Variants in TRERF1 observed in about 807,000 individuals in gnomAD.
TRERF1 encodes transcriptional regulating factor 1, also known as transcriptional-regulating factor 1.
In TRERF1, 27 loss-of-function variants were observed where a neutral mutation model predicts 122.9. That is an observed-to-expected ratio of 0.22 (90% CI 0.16 to 0.30). TRERF1 has a LOEUF of 0.30. TRERF1 is among the 10% of genes least tolerant of loss of function. The pLI is 1.00. For synonymous variants in TRERF1, 636 were observed against 641.7 expected, an observed-to-expected ratio of 0.99 and a Z score of 0.13; for missense variants, 1,248 against 1,560.3, an observed-to-expected ratio of 0.80 and a Z score of 3.37.
rs143675535 is a variant in TRERF1 at position 42,246,601 on chromosome 6, G to A, written c.2657-57C>T. 1.6e-5 allele frequency: 21 copies of A among 1,296,078 alleles called. No individual in the cohort carries two copies. In the South Asian group the frequency reaches 2.4e-4, roughly 15 times the overall value. The allele number at this position is 1,296,078 out of a possible 1,614,324, so 80.3% of individuals were successfully genotyped here. A position where few individuals can be genotyped will look rare whatever the true frequency, so the allele number is the denominator to read the frequency against. ...CTCACAGTTCCCCCTGCTTTTAGTTGCTGGTTCATTTAGTTAAGTTACAAA... is the reference window on the plus strand; with the variant it reads ...CTCACAGTTCCCCCTGCTTTTAGTTACTGGTTCATTTAGTTAAGTTACAAA... On this transcript the variant is annotated intron_variant, in intron 13 of 17. Transcript: ENST00000372922.
intron 3 of TRERF1, among the ~76,000 whole-genome samples, chr6:42,361,385 T>C (rs1771732834): frequency 6.6e-6 from 1 of 152,238 alleles, no homozygotes; most frequent in African/African-American, 2.4e-5. Context: ...CACAGTCTCT[T>C]CCTGGCACTT....
intron 2 of TRERF1, among the ~76,000 whole-genome samples, chr6:42,408,342 CGT>C (rs1215447691): frequency 0.02 from 2,044 of 101,796 alleles, 114 homozygotes; most frequent in African/African-American, 0.075. Flanking sequence ...TATACATACA[CGT>C]GTGTGTGTGT....
chr6:42,425,970 C>G (rs1264566119), intron 2 of TRERF1, among the ~76,000 whole-genome samples: 1 of 152,134 alleles, frequency 6.6e-6, no homozygotes. Context: ...GGGAGCAGGG[C>G]TCTGGAATAC....
intron 2 of TRERF1, among the ~76,000 whole-genome samples, chr6:42,367,516 C>T (rs368978891): frequency 6.6e-6 from 1 of 152,162 alleles, no homozygotes; most frequent in Non-Finnish European, 1.5e-5. Flanking sequence ...AGATGAAATC[C>T]GGCCCTGCTG....
At chr6:42,344,306 T>A (rs372176554) in intron 3 of TRERF1, among the ~76,000 whole-genome samples, 1 of 152,186 alleles carries the variant, frequency 6.6e-6, no homozygotes, top group Non-Finnish European at 1.5e-5. Flanking sequence ...AAGGCAGTCA[T>A]AATAACAGCT....
chr6:42,422,670 G>A (rs1287728360), intron 2 of TRERF1, among the ~76,000 whole-genome samples: 6 of 151,826 alleles, frequency 4.0e-5, no homozygotes, highest in African/African-American at 7.3e-5. Context: ...TCACGAGATA[G>A]GGCTGCCCAA....
At chr6:42,374,152 AG>A (rs1194008154) in intron 2 of TRERF1, among the ~76,000 whole-genome samples, 4,320 of 134,440 alleles carry the variant, frequency 0.032, 206 homozygotes, top group African/African-American at 0.13. Flanking sequence ...AAAAAAAAAA[AG>A]AAGAAGAAGA....
intron 3 of TRERF1, among the ~76,000 whole-genome samples, chr6:42,312,500 GCCAATCTCTCTGAT>G (rs1242160619): frequency 6.6e-6 from 1 of 152,242 alleles, no homozygotes; most frequent in Non-Finnish European, 1.5e-5. Flanking sequence ...AGGCATGTCA[GCCAATCTCTCTGAT>G]CCTCGGCATT....
At chr6:42,425,139 G>A (rs576810758) in intron 2 of TRERF1, among the ~76,000 whole-genome samples, 90 of 152,246 alleles carry the variant, frequency 5.9e-4, no homozygotes, top group Non-Finnish European at 1.1e-3. Flanking sequence ...CCCAGAGAGG[G>A]TGGGGGCAAA....
chr6:42,288,315 TC>T (rs1475623143), intron 4 of TRERF1, among the ~76,000 whole-genome samples: 4 of 152,038 alleles, frequency 2.6e-5, no homozygotes, highest in Non-Finnish European at 5.9e-5. Flanking sequence ...ACTCCTGTAA[TC>T]CCAGCACTTT....
At chr6:42,361,585 G>A (rs1184313539) in intron 3 of TRERF1, among the ~76,000 whole-genome samples, 2 of 152,176 alleles carry the variant, frequency 1.3e-5, no homozygotes, top group East Asian at 3.8e-4. Flanking sequence ...AAAGGACTGG[G>A]ATCTCCGTTG....
chr6:42,322,338 A>G (rs1763591442), intron 3 of TRERF1, among the ~76,000 whole-genome samples: 1 of 152,162 alleles, frequency 6.6e-6, no homozygotes, highest in South Asian at 2.1e-4. Flanking sequence ...TATGGAGGTA[A>G]ATGCCATAAA....
At chr6:42,300,204 C>T (rs893741595) in intron 4 of TRERF1, among the ~76,000 whole-genome samples, 17 of 152,160 alleles carry the variant, frequency 1.1e-4, no homozygotes, top group Non-Finnish European at 2.1e-4. Context: ...TGGAAACTGG[C>T]CTGACTGATC....
At chr6:42,362,450 T>C (rs1318442211) in intron 3 of TRERF1, among the ~76,000 whole-genome samples, 1 of 152,232 alleles carries the variant, frequency 6.6e-6, no homozygotes, top group Admixed American at 6.5e-5. Flanking sequence ...ATTCTATTTA[T>C]GCACAAACTA....
chr6:42,306,880 G>GT (rs1205131871), intron 3 of TRERF1, among the ~76,000 whole-genome samples: 3 of 152,236 alleles, frequency 2.0e-5, no homozygotes, highest in African/African-American at 2.4e-5. Context: ...GGCTATGTCC[G>GT]TTTTTTTCAC....
At chr6:42,338,382 A>AG (rs1766614152) in intron 3 of TRERF1, among the ~76,000 whole-genome samples, 1 of 152,204 alleles carries the variant, frequency 6.6e-6, no homozygotes, top group Admixed American at 6.5e-5. Flanking sequence ...GGACGTGGGT[A>AG]GGGGGATGCA....
chr6:42,258,301 T>C lies in TRERF1; in HGVS notation c.2270-100A>G, dbSNP rs900741489. ...ACCTAACCAGCCATAATAGAGCTTC[T>C]CTCCTACCCAGCTCCTGCCAGAGTT... On this transcript the variant is annotated intron_variant, in intron 9 of 17. Transcript: ENST00000372922. 4.8e-5 allele frequency: 50 copies of C among 1,045,760 alleles called. No homozygotes were observed. In the Admixed American group the frequency reaches 8.3e-4, roughly 17 times the overall value. The allele number at this position is 1,045,760 out of a possible 1,614,324, so 64.8% of individuals were successfully genotyped here.
chr6:42,400,426 C>T (rs1779221417), intron 2 of TRERF1, among the ~76,000 whole-genome samples: 1 of 152,206 alleles, frequency 6.6e-6, no homozygotes, highest in Non-Finnish European at 1.5e-5. Context: ...TTCACCCCAT[C>T]TCATTGTGAG....
intron 3 of TRERF1, among the ~76,000 whole-genome samples, chr6:42,316,183 A>G (rs1224150144): frequency 6.6e-6 from 1 of 152,156 alleles, no homozygotes; most frequent in Non-Finnish European, 1.5e-5. Flanking sequence ...GTGATGACCA[A>G]TGACTCTGGC....
Sources: allele counts gnomAD v4.1 joint callset (sites outside exome capture counted in the v4.1 genomes callset), GRCh38; gene constraint gnomAD v4.1.1; transcripts MANE v1.5; gene names NCBI Gene and HGNC (gene_info 2026-07-23, HGNC 2026-07-21).